Variants in VAV2 observed in about 807,000 individuals in gnomAD.
The protein encoded by VAV2 is guanine nucleotide exchange factor VAV2.
VAV2 carries 67 observed loss-of-function variants against 132.5 expected under a neutral mutation model. The observed-to-expected ratio is 0.51, with a 90% CI of 0.42 to 0.62. The LOEUF is 0.62. VAV2 is among the 20% of genes least tolerant of loss of function. VAV2 has a pLI of 0.00. For synonymous variants in VAV2, 492 were observed against 443.5 expected (o/e 1.11, Z -1.37); for missense variants, 938 against 1,153.6 (o/e 0.81, Z 2.71).
chr9:133,960,092 G>A (rs891365222), intron 1 of VAV2, among the ~76,000 whole-genome samples: 3 of 152,196 alleles, frequency 2.0e-5, no homozygotes, highest in East Asian at 1.9e-4. Flanking sequence ...CTTTGCCATC[G>A]CCCCTGCCCC....
intron 3 of VAV2, among the ~76,000 whole-genome samples, chr9:133,854,471 A>G (rs1273760508): frequency 1.3e-5 from 2 of 152,266 alleles, no homozygotes; most frequent in Admixed American, 1.3e-4. Context: ...ATGCCAGGCC[A>G]GAGAACTGGG....
intron 2 of VAV2, among the ~76,000 whole-genome samples, chr9:133,882,387 G>A (rs1468706585): frequency 1.3e-5 from 2 of 152,212 alleles, no homozygotes; most frequent in Non-Finnish European, 2.9e-5. Flanking sequence ...CGGGGCTGGA[G>A]AGCATCCCCT....
chr9:133,948,982 G>A (rs867316302), intron 1 of VAV2, among the ~76,000 whole-genome samples: 3 of 152,318 alleles, frequency 2.0e-5, no homozygotes, highest in Middle Eastern at 3.4e-3. Flanking sequence ...CCTGGGAGGA[G>A]GGAGGGTCCC....
intron 1 of VAV2, among the ~76,000 whole-genome samples, chr9:133,985,947 G>T (rs1588228929): frequency 6.6e-6 from 1 of 152,080 alleles, no homozygotes; most frequent in African/African-American, 2.4e-5. Flanking sequence ...ATGAGGGAGG[G>T]AGAGAGGGAA....
intron 2 of VAV2, among the ~76,000 whole-genome samples, chr9:133,904,795 C>T (rs78456216): frequency 0.024 from 3,627 of 152,360 alleles, 147 homozygotes; most frequent in African/African-American, 0.083. Context: ...CCCAAGAAGG[C>T]CCCAGAGTAC....
chr9:133,972,164 C>G (rs1267954990), intron 1 of VAV2, among the ~76,000 whole-genome samples: 1 of 152,212 alleles, frequency 6.6e-6, no homozygotes, highest in Non-Finnish European at 1.5e-5. Context: ...ACAGATCAGC[C>G]AACCCATAAA....
intron 2 of VAV2, among the ~76,000 whole-genome samples, chr9:133,915,754 T>G (rs1442467798): frequency 7.5e-6 from 1 of 133,460 alleles, no homozygotes; most frequent in African/African-American, 3.1e-5. Flanking sequence ...ACACACACGA[T>G]GCACACATAC....
chr9:133,871,470 ATGGATGGATG>A lies in VAV2; in HGVS notation c.322-10048_322-10039del, dbSNP rs1564423308. ...GATGGATGGATGGATGGAGAAGCGG[ATGGATGGATG>A]GATGGATGGATGGATGGATGGATGG... On this transcript the variant is annotated intron_variant, in intron 2 of 29. Transcript: ENST00000371850. Among the ~76,000 whole-genome samples, 275 of 45,962 alleles carry A rather than the reference ATGGATGGATG, an allele frequency of 6.0e-3. 4 individuals carry two copies. In the East Asian group the frequency reaches 0.15, roughly 26 times the overall value. The allele number at this position is 45,962 out of a possible 152,430, so 30.2% of individuals were successfully genotyped here.
intron 1 of VAV2, among the ~76,000 whole-genome samples, chr9:133,955,243 G>A (rs915743653): frequency 6.6e-6 from 1 of 151,896 alleles, no homozygotes; most frequent in African/African-American, 2.4e-5. Context: ...AGATTCTGGG[G>A]ACCCCACAGG....
At chr9:133,792,682 C>CA (rs1221926783) in intron 12 of VAV2, among the ~76,000 whole-genome samples, 1 of 75,996 alleles carries the variant, frequency 1.3e-5, no homozygotes, top group African/African-American at 5.3e-5. Flanking sequence ...CAAGGGACCC[C>CA]CCCCCCCACC....
In VAV2 at chr9:133,969,256, C is replaced by T. The variant is rs1039395477; in HGVS notation, c.204+22819G>A. 1.3e-5 allele frequency among the ~76,000 whole-genome samples: 2 copies of T among 151,638 alleles called. No individual in the cohort carries two copies. Among genetic ancestry groups the T allele is most frequent in the Non-Finnish European group, 2.9e-5 (2 of 68,042 alleles). On this transcript the variant is annotated intron_variant, in intron 1 of 29. Coordinates refer to ENST00000371850, the MANE Select transcript of VAV2 (RefSeq NM_001134398.2). The surrounding 1 kb of genome is among the most constrained non-coding windows in gnomAD (Gnocchi z 5.1). ...TTCCCTCCTGCCGGATGAACTGCGG[C>T]TTCTCACGGCTGCGCTGCTGGCATG...
intron 3 of VAV2, among the ~76,000 whole-genome samples, chr9:133,835,090 A>G (rs1438785181): frequency 6.6e-6 from 1 of 152,130 alleles, no homozygotes; most frequent in Non-Finnish European, 1.5e-5. Flanking sequence ...AACTTTAATC[A>G]TCTGGGCTCT....
chr9:133,891,264 TG>T (rs911749603), intron 2 of VAV2, among the ~76,000 whole-genome samples: 2 of 61,152 alleles, frequency 3.3e-5, no homozygotes, highest in Admixed American at 1.6e-4. Flanking sequence ...GCAGGAGGGA[TG>T]GGGGGGAGGG....
At position 133,795,682 on chromosome 9, in the gene VAV2, G is replaced by A; in HGVS notation, c.1087C>T (p.Leu363=). ...TACCCACACACCTGCATGGCTTCCA[G>A]TGCTTCTTTGAGCTGCTGCCTCTCA... is the stretch of plus-strand genomic sequence containing the variant. ...RPERQQLKEA[L]EAMQDLAMYI... is the part of the protein sequence containing the mutation. The change falls in exon 12 of 30, where the codon CTG becomes TTG. Residue 363 remains leucine, a synonymous_variant. Transcript: ENST00000371850. The A allele has an allele frequency of 6.2e-7, 1 of 1,614,156 alleles. No individual in the cohort carries two copies. Among genetic ancestry groups the A allele is most frequent in the Non-Finnish European group, 8.5e-7 (1 of 1,179,986 alleles).
rs112652645 is a variant in VAV2, at chr9:133,919,653, A to C, written c.321+19450T>G. On this transcript the variant is annotated intron_variant, in intron 2 of 29. Transcript: ENST00000371850. This position sits in a 1 kb window ranked among gnomAD's most constrained non-coding sequence, Gnocchi z 5.8. ...AAGATGCTCAGCCACTTTTGCCACC[A>C]GCTCAAATATTTCAGTCTCAGATCA... Among the ~76,000 whole-genome samples the C allele has an allele frequency of 4.7e-3, 721 of 152,304 alleles. 6 individuals carry two copies. The highest frequency in any genetic ancestry group is 0.016 in the African/African-American group (671 of 41,558).
chr9:133,973,068 A>G (rs1842391895), intron 1 of VAV2, among the ~76,000 whole-genome samples: 1 of 151,810 alleles, frequency 6.6e-6, no homozygotes, highest in South Asian at 2.1e-4. Context: ...ACGGTAAGGA[A>G]TCCCCAGGGA....
At chr9:133,868,432 C>T (rs545002477) in intron 2 of VAV2, among the ~76,000 whole-genome samples, 2 of 152,276 alleles carry the variant, frequency 1.3e-5, no homozygotes, top group South Asian at 2.1e-4. Flanking sequence ...CCCTGAGGCT[C>T]GGTTGGCTCA....
chr9:133,798,992 C>CGGGGCGGG (rs1834828739), intron 9 of VAV2, among the ~76,000 whole-genome samples: 1 of 152,256 alleles, frequency 6.6e-6, no homozygotes, highest in African/African-American at 2.4e-5. Flanking sequence ...TGGGCCATTT[C>CGGGGCGGG]TCTTTCCATC....
chr9:133,893,518 G>A (rs943097920), intron 2 of VAV2, among the ~76,000 whole-genome samples: 22 of 152,198 alleles, frequency 1.4e-4, no homozygotes, highest in Middle Eastern at 3.4e-3. Flanking sequence ...CTCCCTCCCC[G>A]GCCTTCATAA....
Sources: allele counts gnomAD v4.1 joint callset (sites outside exome capture counted in the v4.1 genomes callset), GRCh38; gene constraint gnomAD v4.1.1; non-coding constraint Gnocchi (gnomAD v3.1); transcripts MANE v1.5; gene names NCBI Gene and HGNC (gene_info 2026-07-23, HGNC 2026-07-21).